COL4A2: variants seen among roughly 807,000 people sequenced by gnomAD.
COL4A2 encodes the protein collagen type IV alpha 2 chain, also known as collagen alpha-2(IV) chain.
In COL4A2, 99 loss-of-function variants were observed where a neutral mutation model predicts 200.2. The ratio of observed to expected loss-of-function variants is 0.49; its 90% CI spans 0.42 to 0.58. The LOEUF is 0.58. Among genes scored for constraint, COL4A2 ranks in the 20% least tolerant of loss-of-function variants. The pLI is 0.00. For missense variants in COL4A2, 1,950 were observed against 2,314.1 expected (o/e 0.84, Z 3.23); for synonymous variants, 897 against 900.6 (o/e 1.00, Z 0.07).
intron 4 of COL4A2, among the ~76,000 whole-genome samples, chr13:110,370,686 C>T (rs1403610069): frequency 1.3e-5 from 2 of 152,210 alleles, no homozygotes; most frequent in Admixed American, 1.3e-4. Context: ...TGGAAAGGTG[C>T]AGCTACAGTT....
chr13:110,428,382 A>G, intron 6 of COL4A2, 85 bp from the exon 7 acceptor site: 1 of 773,970 alleles, frequency 1.3e-6, no homozygotes, highest in Non-Finnish European at 2.1e-6. Flanking sequence ...ATGGCTTATG[A>G]GAATATAAGA....
At chr13:110,405,761 T>G in intron 4 of COL4A2, among the ~76,000 whole-genome samples, 1 of 152,226 alleles carries the variant, frequency 6.6e-6, no homozygotes, top group East Asian at 1.9e-4. Context: ...TCTGGGGTTT[T>G]CTAAGAGGGG....
At chr13:110,467,545 G>A (rs1882293364) in intron 27 of COL4A2, among the ~76,000 whole-genome samples, 1 of 152,260 alleles carries the variant, frequency 6.6e-6, no homozygotes, top group Admixed American at 6.5e-5. Context: ...CTAGCACCTG[G>A]GAGGACCTGG....
intron 7 of COL4A2, 119 bp from the exon 8 acceptor site, chr13:110,429,766 G>C (rs1364178370): frequency 1.1e-6 from 1 of 924,708 alleles, no homozygotes; most frequent in Non-Finnish European, 1.7e-6. Flanking sequence ...TCAGCCATAA[G>C]AACAATTAGA....
At chr13:110,397,958 GAGA>G (rs1424515461) in intron 4 of COL4A2, among the ~76,000 whole-genome samples, 3 of 152,298 alleles carry the variant, frequency 2.0e-5, no homozygotes, top group South Asian at 2.1e-4. Context: ...GTATCGTATG[GAGA>G]AGAAGTCATC....
Position 110,438,806 on chromosome 13 carries a change from C to CG in COL4A2, c.912+138_912+139insG. 4 of 774,686 alleles carry CG rather than the reference C, an allele frequency of 5.2e-6. No individual in the cohort carries two copies. The East Asian group carries it at 8.2e-5, about 16-fold the overall frequency. 48.0% of individuals were successfully genotyped at this position (774,686 alleles called of 1,614,324 possible). A position where few individuals can be genotyped will look rare whatever the true frequency, so the allele number is the denominator to read the frequency against. On this transcript the variant is annotated intron_variant, in intron 15 of 47. Transcript: ENST00000360467. ...GATTTCCCGTTATTACTCCCCACCC[C>CG]CCCCCACACACACACACAGCAGCCC...
intron 31 of COL4A2, among the ~76,000 whole-genome samples, chr13:110,481,027 T>C (rs1171444101): frequency 8.8e-6 from 1 of 113,820 alleles, no homozygotes; most frequent in Non-Finnish European, 1.9e-5. Flanking sequence ...CTTCCGTTGC[T>C]GGAGACACAC....
intron 22 of COL4A2, 157 bp from the exon 23 acceptor site, chr13:110,461,957 C>T (rs768334914): frequency 2.6e-4 from 275 of 1,044,370 alleles, no homozygotes; most frequent in Non-Finnish European, 3.5e-4. Flanking sequence ...TGGATGGGGG[C>T]GTATCCAGCA....
chr13:110,472,176 T>C (rs980747129), intron 28 of COL4A2, among the ~76,000 whole-genome samples: 22 of 148,120 alleles, frequency 1.5e-4, no homozygotes, highest in African/African-American at 2.7e-4. Context: ...AGTGCAGTGG[T>C]GCGATCTTGG....
chr13:110,308,224 T>G, intron 3 of COL4A2, 101 bp downstream of exon 3: 1 of 1,322,996 alleles, frequency 7.6e-7, no homozygotes, highest in Non-Finnish European at 1.1e-6. Flanking sequence ...CCCGAGTGTG[T>G]GTGTGCGTGT....
intron 47 of COL4A2, among the ~76,000 whole-genome samples, chr13:110,510,711 A>C (rs1220772119): frequency 6.6e-6 from 1 of 152,244 alleles, no homozygotes; most frequent in African/African-American, 2.4e-5. Flanking sequence ...GTGTGTGCGC[A>C]GCAAACTCAG....
chr13:110,472,798 G>A (rs1882529374), intron 28 of COL4A2, 131 bp from the exon 29 acceptor site: 2 of 738,378 alleles, frequency 2.7e-6, no homozygotes, highest in Admixed American at 2.4e-5. Flanking sequence ...AGGGACAAGG[G>A]CTCGAGCTGA....
chr13:110,366,218 G>C (rs983342248), intron 4 of COL4A2, among the ~76,000 whole-genome samples: 1 of 152,194 alleles, frequency 6.6e-6, no homozygotes, highest in Non-Finnish European at 1.5e-5. Flanking sequence ...AAAAAGACCA[G>C]ACCATAGTAG....
rs145196409 is a variant in COL4A2, at chr13:110,381,266, C to T, written c.180+23714C>T. Reference sequence around the variant, plus strand: ...ACCCATGGGCTCTATCTCACACCCACGGACTCTATCTCACGCCCACCGGCT... The same window carrying T: ...ACCCATGGGCTCTATCTCACACCCATGGACTCTATCTCACGCCCACCGGCT... On this transcript the variant is annotated intron_variant, in intron 4 of 47. Transcript: ENST00000360467. 2.1e-3 allele frequency among the ~76,000 whole-genome samples: 325 copies of T among 151,444 alleles called. 1 individual carries two copies. The highest frequency in any genetic ancestry group is 4.1e-3 in the Non-Finnish European group (278 of 67,788).
chr13:110,500,040 C>G (rs868333651), intron 40 of COL4A2, among the ~76,000 whole-genome samples: 4 of 152,316 alleles, frequency 2.6e-5, no homozygotes, highest in Middle Eastern at 3.4e-3. Context: ...GTGAGACAAG[C>G]CTCACCTCTC....
intron 20 of COL4A2, among the ~76,000 whole-genome samples, chr13:110,451,359 A>AT (rs1180341295): frequency 6.6e-6 from 1 of 152,184 alleles, no homozygotes; most frequent in African/African-American, 2.4e-5. Context: ...CATTTTTACA[A>AT]TTTTTTGTAG....
intron 4 of COL4A2, among the ~76,000 whole-genome samples, chr13:110,386,055 TTTTGTGGATAAA>T (rs1878734193): frequency 1.8e-5 from 2 of 110,982 alleles, no homozygotes; most frequent in African/African-American, 5.7e-5. Flanking sequence ...CGTGGTTACG[TTTTGTGGATAAA>T]GCATGGTTAC....
At position 110,509,292 on chromosome 13, in the gene COL4A2, CACACAA is replaced by C. The variant is rs1307888701; in HGVS notation, c.4881+1072_4881+1077del. Among the ~76,000 whole-genome samples, 28 of 140,122 alleles carry C rather than the reference CACACAA, an allele frequency of 2.0e-4. 1 individual carries two copies. The East Asian group carries it at 3.3e-3, about 17-fold the overall frequency. 91.9% of individuals were successfully genotyped at this position (140,122 alleles called of 152,430 possible). A position where few individuals can be genotyped will look rare whatever the true frequency, so the allele number is the denominator to read the frequency against. On this transcript the variant is annotated intron_variant, in intron 47 of 47. Transcript: ENST00000360467. ...ATATACACACACACACACACACACACACACAACATAAAATATAAATTACATAGTGAT... is the reference window on the plus strand; with the variant it reads ...ATATACACACACACACACACACACACCATAAAATATAAATTACATAGTGAT...
At chr13:110,391,018 A>G (rs776957763) in intron 4 of COL4A2, among the ~76,000 whole-genome samples, 8 of 152,246 alleles carry the variant, frequency 5.3e-5, no homozygotes, top group Non-Finnish European at 8.8e-5. Context: ...CGAATTCATC[A>G]ACTTAAGGAA....
Sources: gnomAD v4.1 joint callset for allele counts (sites outside exome capture counted in the v4.1 genomes callset) on GRCh38, gnomAD v4.1.1 for gene constraint, MANE v1.5 for transcripts, NCBI Gene and HGNC (gene_info 2026-07-23, HGNC 2026-07-21) for gene names.